Variants in ADAMTSL1 observed in about 807,000 individuals in gnomAD.
ADAMTSL1 encodes the protein ADAMTS-like protein 1.
A neutral mutation model predicts 201.8 loss-of-function variants in ADAMTSL1; 126 were observed. The observed-to-expected ratio is 0.62, with a 90% CI of 0.54 to 0.72. The LOEUF is 0.72. Ranked by LOEUF, ADAMTSL1 falls within the 30% of genes least tolerant of loss-of-function variation. ADAMTSL1 has a pLI of 0.00. For synonymous variants in ADAMTSL1, 1,121 were observed against 903.4 expected (o/e 1.24, Z -4.32); for missense variants, 2,679 against 2,277.8 (o/e 1.18, Z -3.59).
intron 1 of ADAMTSL1, among the ~76,000 whole-genome samples, chr9:18,129,159 C>T (rs1292949964): frequency 6.6e-6 from 1 of 152,124 alleles, no homozygotes; most frequent in Non-Finnish European, 1.5e-5. Flanking sequence ...TTAAAGGAGA[C>T]AAAAGGCCTA....
chr9:18,072,341 A>T (rs1284101996), intron 1 of ADAMTSL1, among the ~76,000 whole-genome samples: 2 of 152,184 alleles, frequency 1.3e-5, no homozygotes, highest in African/African-American at 2.4e-5. Context: ...TGGCTGTCCA[A>T]TGTGAGTCTT....
chr9:18,623,154 C>G (rs535138841), intron 5 of ADAMTSL1, among the ~76,000 whole-genome samples: 2 of 152,102 alleles, frequency 1.3e-5, no homozygotes, highest in Non-Finnish European at 2.9e-5. Flanking sequence ...CCTCAGCCCC[C>G]CAAAGTGAGG....
intron 1 of ADAMTSL1, among the ~76,000 whole-genome samples, chr9:17,935,853 T>C (rs71506851): frequency 0.1 from 15,230 of 152,210 alleles, 872 homozygotes; most frequent in South Asian, 0.2. Context: ...AGCATGCAGG[T>C]GATCCTATTA....
At chr9:18,578,504 C>G (rs139003542) in intron 4 of ADAMTSL1, among the ~76,000 whole-genome samples, 1 of 152,088 alleles carries the variant, frequency 6.6e-6, no homozygotes, top group East Asian at 1.9e-4. Flanking sequence ...AGACAAGAGG[C>G]TCTGGAATCA....
At chr9:18,608,167 G>T (rs1395712529) in intron 4 of ADAMTSL1, among the ~76,000 whole-genome samples, 1 of 152,144 alleles carries the variant, frequency 6.6e-6, no homozygotes, top group Non-Finnish European at 1.5e-5. Context: ...CAGGTAATTT[G>T]GGTACTTTTA....
intron 14 of ADAMTSL1, chr9:18,718,243 A>C (rs768068297): frequency 6.6e-6 from 5 of 760,912 alleles, no homozygotes; most frequent in Non-Finnish European, 9.8e-6. Context: ...TGTTCTCTCA[A>C]GTCTTGCAAA....
chr9:18,267,334 G>A (rs555158601), intron 2 of ADAMTSL1, among the ~76,000 whole-genome samples: 1 of 152,214 alleles, frequency 6.6e-6, no homozygotes, highest in South Asian at 2.1e-4. Context: ...AGCATTTTGA[G>A]CTTTTATCTT....
chr9:18,480,492 C>A (rs1444530042), intron 1 of ADAMTSL1, among the ~76,000 whole-genome samples: 1 of 152,138 alleles, frequency 6.6e-6, no homozygotes, highest in African/African-American at 2.4e-5. Context: ...GGAGCACAGC[C>A]CCTCAGTGTC....
intron 1 of ADAMTSL1, among the ~76,000 whole-genome samples, chr9:18,056,770 G>A (rs542578245): frequency 1.3e-5 from 2 of 152,206 alleles, no homozygotes; most frequent in Admixed American, 6.5e-5. Context: ...TTTCCCCAGC[G>A]CATTCTCTAG....
chr9:18,415,193 G>T (rs1818620679), intron 2 of ADAMTSL1, among the ~76,000 whole-genome samples: 1 of 152,154 alleles, frequency 6.6e-6, no homozygotes. Context: ...GCAATGCAAA[G>T]AAGTGGGAAA....
chr9:18,654,651 T>C (rs1390728615), intron 7 of ADAMTSL1, among the ~76,000 whole-genome samples: 1 of 152,210 alleles, frequency 6.6e-6, no homozygotes, highest in Non-Finnish European at 1.5e-5. Flanking sequence ...TATTGTTGCA[T>C]ATCTTTTCAA....
intron 1 of ADAMTSL1, among the ~76,000 whole-genome samples, chr9:18,068,009 G>A (rs1361114393): frequency 6.6e-6 from 1 of 152,050 alleles, no homozygotes; most frequent in African/African-American, 2.4e-5. Flanking sequence ...CAATTTGAAA[G>A]GGAGACTGTG....
rs767361397 is a variant in ADAMTSL1 at position 18,030,110 on chromosome 9, C to T, written c.87+123188C>T. 1.7e-4 allele frequency among the ~76,000 whole-genome samples: 26 copies of T among 152,250 alleles called. 1 individual carries two copies. The highest frequency in any genetic ancestry group is 4.6e-4 in the African/African-American group (19 of 41,542). ...GACACATGCACACATATGTTTATTG[C>T]GGCATTTTTCACAATAGCAAAGACT... On this transcript the variant is annotated intron_variant, in intron 1 of 29. Coordinates refer to the ADAMTSL1 transcript ENST00000680146.
intron 24 of ADAMTSL1, 102 bp downstream of exon 24, chr9:18,888,145 A>C: frequency 7.9e-7 from 1 of 1,261,266 alleles, no homozygotes; most frequent in Non-Finnish European, 1.1e-6. Context: ...CTCCAGTGGT[A>C]CTCAAGGCAT....
chr9:18,770,620 G>C lies in ADAMTSL1; in HGVS notation c.2236G>C (p.Gly746Arg). 1 of 1,612,634 alleles carries C rather than the reference G, an allele frequency of 6.2e-7. No homozygotes were observed. The highest frequency in any genetic ancestry group is 8.5e-7 in the Non-Finnish European group (1 of 1,179,430). ...TCCCCAGTGTTCCAGAACGTGTGGCGGGGGTGTTCAGAAACGTGAGGTTCT... is the reference window on the plus strand; with the variant it reads ...TCCCCAGTGTTCCAGAACGTGTGGCCGGGGTGTTCAGAAACGTGAGGTTCT... ...QWQPCSRTCG[G>R]GVQKREVLCK... Residue 746 changes from glycine to arginine, a missense_variant, in exon 17 of 29, where the codon GGG (glycine) becomes CGG (arginine). Gly to Arg is a moderately radical substitution (Grantham distance 125). Transcript: ENST00000380548.
chr9:18,016,367 G>T (rs1820261657), intron 1 of ADAMTSL1, among the ~76,000 whole-genome samples: 1 of 151,992 alleles, frequency 6.6e-6, no homozygotes, highest in Admixed American at 6.6e-5. Context: ...AGTAAACATA[G>T]ATAATTCTTG....
intron 25 of ADAMTSL1, chr9:18,890,933 G>A (rs945221152): frequency 6.2e-5 from 8 of 128,550 alleles, no homozygotes; most frequent in African/African-American, 2.8e-4. Flanking sequence ...ATTTACTTCT[G>A]CAAATGAAAT....
chr9:18,129,066 C>A (rs1038946515), intron 1 of ADAMTSL1, among the ~76,000 whole-genome samples: 5 of 152,168 alleles, frequency 3.3e-5, no homozygotes, highest in African/African-American at 1.2e-4. Context: ...TTTAATAACA[C>A]CTTATTTTAG....
rs942060029 is a variant in ADAMTSL1, at chr9:18,630,915, C to G, written c.602-5028C>G. ...TACAACCTCCACAGCCATTTGGTTC[C>G]TAGAGGTTGAATGTGTTCCAATATT... On this transcript the variant is annotated intron_variant, in intron 5 of 28. Transcript: ENST00000380548. Among the ~76,000 whole-genome samples the G allele has an allele frequency of 1.6e-4, 25 of 152,198 alleles. No individual in the cohort carries two copies. The East Asian group carries it at 4.8e-3, about 30-fold the overall frequency.
Sources: allele counts gnomAD v4.1 joint callset (sites outside exome capture counted in the v4.1 genomes callset), GRCh38; gene constraint gnomAD v4.1.1; transcripts MANE v1.5; gene names NCBI Gene and HGNC (gene_info 2026-07-23, HGNC 2026-07-21).